RTP5: variants seen among roughly 807,000 people sequenced by gnomAD.
RTP5 encodes the protein receptor transporter protein 5 (putative).
A neutral mutation model predicts 23.5 loss-of-function variants in RTP5; 30 were observed. The observed-to-expected ratio is 1.27, with a 90% CI of 0.95 to 1.73. RTP5 has a LOEUF of 1.73. Ranked by LOEUF, RTP5 falls within the 40% of genes most tolerant of loss-of-function variation. The pLI, the probability that RTP5 is intolerant of heterozygous loss-of-function variation, is 0.00. For missense variants in RTP5, 807 were observed against 784.2 expected, an observed-to-expected ratio of 1.03 and a Z score of -0.35; for synonymous variants, 354 against 342.1, an observed-to-expected ratio of 1.03 and a Z score of -0.38.
chr2:241,872,232 C>A lies in RTP5; in HGVS notation c.677C>A (p.Ala226Glu). ...VPIAEGPAPP[A>E]GASLPVTGSC... ...ATCGCTGAGGGCCCTGCCCCCCCTG[C>A]GGGGGCCTCTCTCCCTGTGACTGGC... Residue 226 changes from alanine to glutamate, a missense_variant, in exon 2 of 2, where the codon GCG becomes GAG. Physicochemically the swap from Ala to Glu is moderately radical, Grantham distance 107. Transcript: ENST00000343216. 1 of 1,607,636 alleles carries A rather than the reference C, an allele frequency of 6.2e-7. No individual in the cohort carries two copies. Among genetic ancestry groups the A allele is most frequent in the South Asian group, 1.1e-5 (1 of 90,836 alleles).
chr2:241,872,468 G>C lies in RTP5; in HGVS notation c.913G>C (p.Gly305Arg). 6.3e-7 allele frequency: 1 copy of C among 1,598,480 alleles called. No homozygotes were observed. The highest frequency in any genetic ancestry group is 8.5e-7 in the Non-Finnish European group (1 of 1,174,534). The change falls in exon 2 of 2, where the codon GGC becomes CGC. Residue 305 changes from glycine (G) to arginine (R), a missense_variant. By Grantham distance (125) the Gly-to-Arg change is moderately radical. Transcript: ENST00000343216. ...CTGCAGCCCGGTTGGCGTGGCCCAG[G>C]GCTGGGGCCCCATCTCCCTCAACAA... ...SLCSPVGVAQ[G>R]WGPISLNNGL...
In RTP5 at chr2:241,872,130, G is replaced by T; in HGVS notation, c.575G>T (p.Gly192Val). The stretch of plus-strand genomic sequence containing the variant: ...AGGGGCAAACCGCTGTCCACCCCTG[G>T]CGACGACCTTGGCAAGGGTGGCGTT... ...VSRGKPLSTP[G>V]DDLGKGGVVI... The change falls in exon 2 of 2, where the codon GGC (glycine) becomes GTC (valine). Residue 192 changes from glycine to valine, a missense_variant. Gly to Val is a moderately radical substitution (Grantham distance 109, BLOSUM62 -3). Coordinates refer to ENST00000343216, the MANE Select transcript of RTP5 (RefSeq NM_173821.3). 6.2e-7 allele frequency: 1 copy of T among 1,609,746 alleles called. No homozygotes were observed. Among genetic ancestry groups the T allele is most frequent in the Non-Finnish European group, 8.5e-7 (1 of 1,177,636 alleles).
At chr2:241,871,032 G>A (rs765913507) in intron 1 of RTP5, 1 of 471,010 alleles carries the variant, frequency 2.1e-6, no homozygotes, top group South Asian at 1.5e-5. Context: ...CTAGCAAATG[G>A]TCACCGGTCT....
Position 241,873,080 on chromosome 2 carries a change from C to A in RTP5, c.1525C>A (p.Gln509Lys). 1.2e-6 allele frequency: 2 copies of A among 1,612,842 alleles called. No homozygotes were observed. Among genetic ancestry groups the A allele is most frequent in the South Asian group, 2.2e-5 (2 of 91,052 alleles). Residue 509 changes from glutamine (Q) to lysine (K), a missense_variant, in exon 2 of 2, where the codon CAG (glutamine) becomes AAG (lysine). Coordinates refer to ENST00000343216, the MANE Select transcript of RTP5 (RefSeq NM_173821.3). ...CFSQGYYQKR[Q>K]LRSRFHKARC... ...CTCCCAAGGCTATTACCAGAAGAGG[C>A]AGCTGAGGTCCAGGTTCCACAAGGC... is the stretch of plus-strand genomic sequence containing the variant.
Position 241,869,845 on chromosome 2 carries a change from C to T in RTP5, c.89C>T (p.Pro30Leu). 6.3e-7 allele frequency: 1 copy of T among 1,587,876 alleles called. No individual in the cohort carries two copies. The highest frequency in any genetic ancestry group is 8.6e-7 in the Non-Finnish European group (1 of 1,168,888). Residue 30 changes from proline (P) to leucine (L), a missense_variant, in exon 1 of 2, where the codon CCT (proline) becomes CTT (leucine). Physicochemically the swap from Pro to Leu is moderately conservative, Grantham distance 98. Transcript: ENST00000343216. ...RKPQDVWVLL[P>L]EHSLVPGCLD... ...CCCCAGGACGTCTGGGTTCTGCTAC[C>T]TGAGCACAGCCTGGTCCCGGGATGC...
Position 241,871,941 on chromosome 2 carries a change from GC to G in RTP5, c.390del (p.Gly131AlafsTer102). 2 of 1,590,398 alleles carry G rather than the reference GC, an allele frequency of 1.3e-6. No homozygotes were observed. Among genetic ancestry groups the G allele is most frequent in the Non-Finnish European group, 1.7e-6 (2 of 1,168,506 alleles). On this transcript the variant is annotated frameshift_variant, in exon 2 of 2. Transcript: ENST00000343216. LOFTEE classifies it low-confidence loss of function (END_TRUNC). ...ATCCTGCAGGACTGCTACGGGGATG[GC>G]CCCGGCCCAGCCCGGCACCCCAGGG... ...LHILQDCYGD[G>X]PGPARHPREA...
At chr2:241,871,488 G>C (rs547585384) in intron 1 of RTP5, among the ~76,000 whole-genome samples, 1 of 152,258 alleles carries the variant, frequency 6.6e-6, no homozygotes, top group Admixed American at 6.5e-5. Flanking sequence ...TGGCCGAGGG[G>C]CTGGTGGTTT....
rs1701285063 is a variant in RTP5 at position 241,869,952 on chromosome 2, G to A, written c.158+38G>A. 2.8e-6 allele frequency: 4 copies of A among 1,439,474 alleles called. No homozygotes were observed. In the African/African-American group the frequency reaches 4.5e-5, roughly 16 times the overall value. The allele number at this position is 1,439,474 out of a possible 1,614,324, so 89.2% of individuals were successfully genotyped here. On this transcript the variant is annotated intron_variant, in intron 1 of 1. Coordinates refer to ENST00000343216, the MANE Select transcript of RTP5 (RefSeq NM_173821.3). ...GTTGGGGACCCTGGGAGAGGCAGGG[G>A]GCTGAAGGTGCTTTTCCACGGGACC...
rs1184942986 is a variant in RTP5 at position 241,873,345 on chromosome 2, T to G, written c.*71T>G. On this transcript the variant is annotated 3_prime_UTR_variant, in exon 2 of 2. Transcript: ENST00000343216. Reference sequence around the variant, plus strand: ...CTCTGAGACACCCCCCAACCCCGCCTTTGAGATGCCCGCCCCGCCTCCGAG... The same window carrying G: ...CTCTGAGACACCCCCCAACCCCGCCGTTGAGATGCCCGCCCCGCCTCCGAG... 1 of 1,340,228 alleles carries G rather than the reference T, an allele frequency of 7.5e-7. No homozygotes were observed. The highest frequency in any genetic ancestry group is 9.6e-7 in the Non-Finnish European group (1 of 1,046,372). The allele number at this position is 1,340,228 out of a possible 1,614,324, so 83.0% of individuals were successfully genotyped here. A position where few individuals can be genotyped will look rare whatever the true frequency, so the allele number is the denominator to read the frequency against.
In RTP5 at chr2:241,872,921, C is replaced by T. The variant is rs755325324; in HGVS notation, c.1366C>T (p.Pro456Ser). Residue 456 changes from proline (P) to serine (S), a missense_variant, in exon 2 of 2, where the codon CCT (proline) becomes TCT (serine). Physicochemically the swap from Pro to Ser is moderately conservative, Grantham distance 74 (BLOSUM62 -1). Transcript: ENST00000343216. The stretch of plus-strand genomic sequence containing the variant: ...CCTGGTCACCGCGGGTCACGACGCC[C>T]CTCTGGAGGCCAATGCCGAGGGCCC... ...GGLVTAGHDA[P>S]LEANAEGPIT... The T allele has an allele frequency of 6.8e-6, 11 of 1,612,898 alleles. No individual in the cohort carries two copies. The Admixed American group carries it at 1.7e-4, about 24-fold the overall frequency.
chr2:241,872,819 GC>G lies in RTP5; in HGVS notation c.1267del (p.Leu423SerfsTer60). 1 of 1,612,358 alleles carries G rather than the reference GC, an allele frequency of 6.2e-7. No individual in the cohort carries two copies. The highest frequency in any genetic ancestry group is 8.5e-7 in the Non-Finnish European group (1 of 1,179,858). On this transcript the variant is annotated frameshift_variant, in exon 2 of 2. Transcript: ENST00000343216. LOFTEE classifies it high-confidence loss of function. ...GLPSQVKGSL[A>X]LPFPADVQGK... is the part of the protein sequence containing the mutation. The stretch of plus-strand genomic sequence containing the variant: ...CCCCTCCCAGGTCAAGGGCTCCCTT[GC>G]CCTCCCCTTCCCTGCTGATGTCCAA...
Position 241,873,361 on chromosome 2 carries a change from C to G in RTP5, c.*87C>G, listed in dbSNP as rs1177417661. ...AACCCCGCCTTTGAGATGCCCGCCC[C>G]GCCTCCGAGACCCCGCCTCCACCTC... is the stretch of plus-strand genomic sequence containing the variant. On this transcript the variant is annotated 3_prime_UTR_variant, in exon 2 of 2. Transcript: ENST00000343216. 4 of 1,426,772 alleles carry G rather than the reference C, an allele frequency of 2.8e-6. No homozygotes were observed. The highest frequency in any genetic ancestry group is 2.9e-5 in the African/African-American group (2 of 68,198). The allele number at this position is 1,426,772 out of a possible 1,614,324, so 88.4% of individuals were successfully genotyped here. A position where few individuals can be genotyped will look rare whatever the true frequency, so the allele number is the denominator to read the frequency against.
Position 241,872,160 on chromosome 2 carries a change from T to TCGC in RTP5, c.607_609dup (p.Ala203dup), listed in dbSNP as rs1176597393. On this transcript the variant is annotated inframe_insertion, in exon 2 of 2. Transcript: ENST00000343216. ...GACCTTGGCAAGGGTGGCGTTGTCA[T>TCGC]CGCCATCCCCTTCTCCCTTGTGGGT... 3 of 1,611,876 alleles carry TCGC rather than the reference T, an allele frequency of 1.9e-6. No homozygotes were observed. The African/African-American group carries it at 4.0e-5, about 22-fold the overall frequency.
At chr2:241,870,991 G>A in intron 1 of RTP5, 1 of 471,134 alleles carries the variant, frequency 2.1e-6, no homozygotes, top group Non-Finnish European at 4.4e-6. Flanking sequence ...ACTCATGCAG[G>A]GTTCCCTGAA....
At chr2:241,870,553 G>A (rs1373549243) in intron 1 of RTP5, among the ~76,000 whole-genome samples, 1 of 152,264 alleles carries the variant, frequency 6.6e-6, no homozygotes, top group Non-Finnish European at 1.5e-5. Context: ...TCCCTCTGTG[G>A]AGACACCCTG....
intron 1 of RTP5, among the ~76,000 whole-genome samples, chr2:241,870,164 C>T (rs900455116): frequency 5.3e-5 from 8 of 152,304 alleles, no homozygotes; most frequent in South Asian, 2.1e-4. Flanking sequence ...TTCCCTCACT[C>T]GGCTCCTTGG....
chr2:241,871,776 T>G lies in RTP5; in HGVS notation c.221T>G (p.Leu74Arg), dbSNP rs371424823. 4 of 1,594,546 alleles carry G rather than the reference T, an allele frequency of 2.5e-6. No individual in the cohort carries two copies. The African/African-American group carries it at 4.0e-5, about 16-fold the overall frequency. Residue 74 changes from leucine (L) to arginine (R), a missense_variant, in exon 2 of 2, where the codon CTG becomes CGG. Physicochemically the swap from Leu to Arg is moderately radical, Grantham distance 102 (BLOSUM62 -2). Transcript: ENST00000343216. ...DSAHVHVLFH[L>R]WWDRASHRGL... ...GCCCATGTGCACGTCCTCTTCCACC[T>G]GTGGTGGGACAGGGCCAGCCACCGG...
chr2:241,870,130 C>T (rs1046366854), intron 1 of RTP5, among the ~76,000 whole-genome samples: 9 of 152,318 alleles, frequency 5.9e-5, no homozygotes, highest in African/African-American at 1.9e-4. Context: ...GAAGACATGG[C>T]GGGTGCCTCA....
In RTP5 at chr2:241,872,792, C is replaced by T; in HGVS notation, c.1237C>T (p.Leu413Phe). Residue 413 changes from leucine (L) to phenylalanine (F), a missense_variant, in exon 2 of 2, where the codon CTC (leucine) becomes TTC (phenylalanine). Coordinates refer to ENST00000343216, the MANE Select transcript of RTP5 (RefSeq NM_173821.3). ...CCTGCCAGAGACCAATGCTGGTGGC[C>T]TCCCCTCCCAGGTCAAGGGCTCCCT... is the stretch of plus-strand genomic sequence containing the variant. ...DALPETNAGG[L>F]PSQVKGSLAL... 1 of 1,607,448 alleles carries T rather than the reference C, an allele frequency of 6.2e-7. No homozygotes were observed. The highest frequency in any genetic ancestry group is 8.5e-7 in the Non-Finnish European group (1 of 1,176,064).
Sources: allele counts gnomAD v4.1 joint callset (sites outside exome capture counted in the v4.1 genomes callset), GRCh38; gene constraint gnomAD v4.1.1; transcripts MANE v1.5; gene names NCBI Gene and HGNC (gene_info 2026-07-23, HGNC 2026-07-21).